Variants in LGI1 observed in about 807,000 individuals in gnomAD.
The protein encoded by LGI1 is leucine rich glioma inactivated 1.
Under a neutral mutation model 57.7 loss-of-function variants are expected in LGI1, and 11 were observed. The ratio of observed to expected loss-of-function variants is 0.19; its 90% confidence interval spans 0.12 to 0.32. The LOEUF (loss-of-function observed/expected upper bound fraction) is 0.32, where lower values mean the gene tolerates loss of function less well. Among genes scored for constraint, LGI1 ranks in the 10% least tolerant of loss-of-function variants. The pLI, the probability that LGI1 is intolerant of heterozygous loss-of-function variation, is 1.00. For synonymous variants in LGI1, 222 were observed against 241.9 expected (o/e 0.92, Z 0.76); for missense variants, 422 against 661.9 (o/e 0.64, Z 3.98).
chr10:93,778,430 T>A (rs2059815747), intron 4 of LGI1, among the ~76,000 whole-genome samples: 1 of 150,824 alleles, frequency 6.6e-6, no homozygotes, highest in Non-Finnish European at 1.5e-5. Context: ...CACTCTCACA[T>A]ACACACAGAT....
At chr10:93,793,385 T>G (rs1227606957) in intron 7 of LGI1, 35 bp downstream of exon 7, 2 of 1,578,366 alleles carry the variant, frequency 1.3e-6, no homozygotes, top group Non-Finnish European at 1.7e-6. Flanking sequence ...GAGTGGTAAT[T>G]TAAACTGCTT....
chr10:93,767,867 A>C (rs1002686510), intron 2 of LGI1: 1 of 152,210 alleles, frequency 6.6e-6, no homozygotes, highest in African/African-American at 2.4e-5. Flanking sequence ...GTGTGTAAAT[A>C]TACACTGTCA....
intron 2 of LGI1, chr10:93,770,300 T>G (rs2059721811): frequency 6.6e-6 from 1 of 152,346 alleles, no homozygotes; most frequent in Non-Finnish European, 1.5e-5. Flanking sequence ...CTCTTCAGTG[T>G]GCTGCTTCCC....
intron 2 of LGI1, chr10:93,762,650 G>C (rs1016993046): frequency 2.0e-4 from 31 of 152,188 alleles, no homozygotes; most frequent in African/African-American, 7.5e-4. Flanking sequence ...ATGCCCCCAT[G>C]ATGGACCAAA....
At chr10:93,788,023 C>T (rs975570860) in intron 4 of LGI1, among the ~76,000 whole-genome samples, 11 of 152,166 alleles carry the variant, frequency 7.2e-5, no homozygotes, top group African/African-American at 2.7e-4. Flanking sequence ...TCATTGCATG[C>T]CCACTGTCCT....
intron 2 of LGI1, chr10:93,771,403 T>G (rs1652132277): frequency 6.6e-6 from 1 of 152,216 alleles, no homozygotes; most frequent in South Asian, 2.1e-4. Context: ...GGCCATTATC[T>G]TGAGTAAAAT....
At chr10:93,759,017 C>G in intron 2 of LGI1, 186 bp downstream of exon 2, 1 of 609,658 alleles carries the variant, frequency 1.6e-6, no homozygotes, top group Non-Finnish European at 2.9e-6. Context: ...TTGATTCTTA[C>G]AATGGTAAAT....
intron 2 of LGI1, chr10:93,763,204 G>C (rs916859474): frequency 6.6e-6 from 1 of 152,202 alleles, no homozygotes; most frequent in African/African-American, 2.4e-5. Flanking sequence ...CCAGACACCT[G>C]AGCTGGCATC....
intron 2 of LGI1, chr10:93,759,389 A>G (rs2059599994): frequency 6.1e-6 from 1 of 163,434 alleles, no homozygotes; most frequent in African/African-American, 2.4e-5. Flanking sequence ...ATATTAATAT[A>G]GGATAGTGCA....
At chr10:93,773,075 G>C (rs1247221428) in intron 2 of LGI1, among the ~76,000 whole-genome samples, 1 of 148,786 alleles carries the variant, frequency 6.7e-6, no homozygotes, top group East Asian at 1.9e-4. Context: ...GCGAGACTTT[G>C]TCAAAAAAAG....
At chr10:93,781,317 C>A (rs1391300917) in intron 4 of LGI1, among the ~76,000 whole-genome samples, 1 of 151,994 alleles carries the variant, frequency 6.6e-6, no homozygotes, top group African/African-American at 2.4e-5. Context: ...CGAGATCACG[C>A]CATTGCACTC....
chr10:93,758,630 C>T lies in LGI1; in HGVS notation c.216-130C>T, dbSNP rs919792018. ...TACTTCATCTGGGAAGGAATAGTAT[C>T]GTACTTCATAAAATAGTGTCAAAAT... On this transcript the variant is annotated intron_variant, in intron 1 of 7. Transcript: ENST00000371418. This position sits in a 1 kb window ranked among gnomAD's most constrained non-coding sequence, Gnocchi z 4.7. 1.1e-5 allele frequency: 8 copies of T among 736,744 alleles called. No homozygotes were observed. The highest frequency in any genetic ancestry group is 8.7e-5 in the African/African-American group (5 of 57,144). The allele number at this position is 736,744 out of a possible 1,614,324, so 45.6% of individuals were successfully genotyped here.
chr10:93,794,036 T>TTTTTTTTTTTTTTTTTTG (rs1491306055), intron 7 of LGI1: 1 of 92,624 alleles, frequency 1.1e-5, no homozygotes, highest in African/African-American at 3.5e-5. Context: ...TTTTTTTTTT[T>TTTTTTTTTTTTTTTTTTG]GAGACAGAGT....
Position 93,795,193 on chromosome 10 carries a change from A to G in LGI1, c.839-1775A>G, listed in dbSNP as rs140423970. Among the ~76,000 whole-genome samples, 26 of 152,330 alleles carry G rather than the reference A, an allele frequency of 1.7e-4. No homozygotes were observed. In the East Asian group the frequency reaches 3.5e-3, roughly 20 times the overall value. ...TCTGCAAACTTTCTGAGGGCATCTC[A>G]GAGCTCATCTTGTCTAGGATGATGT... On this transcript the variant is annotated intron_variant, in intron 7 of 7. Transcript: ENST00000371418.
intron 5 of LGI1, 160 bp from the exon 6 acceptor site, chr10:93,792,583 G>A (rs1207560759): frequency 1.4e-6 from 1 of 734,292 alleles, no homozygotes; most frequent in Non-Finnish European, 2.5e-6. Context: ...AACTCTCTGA[G>A]CCCAAAGTGA....
At chr10:93,792,989 A>AT (rs2059949326) in intron 6 of LGI1, 77 bp downstream of exon 6, 3 of 1,439,732 alleles carry the variant, frequency 2.1e-6, no homozygotes, top group Non-Finnish European at 2.9e-6. Context: ...AGGAACTGAT[A>AT]TTTTTTATAT....
chr10:93,772,191 G>A (rs1291213089), intron 2 of LGI1, among the ~76,000 whole-genome samples: 1 of 152,068 alleles, frequency 6.6e-6, no homozygotes, highest in Non-Finnish European at 1.5e-5. Flanking sequence ...AACAAAAGGG[G>A]TCAAAGGACA....
chr10:93,763,295 CAG>C (rs879936816), intron 2 of LGI1: 39,680 of 145,902 alleles, frequency 0.27, 5,868 homozygotes, highest in South Asian at 0.42. Flanking sequence ...CACACACACA[CAG>C]ACACACACAC....
At chr10:93,766,537 C>G (rs2059680567) in intron 2 of LGI1, among the ~76,000 whole-genome samples, 1 of 6,446 alleles carries the variant, frequency 1.6e-4, no homozygotes, top group Admixed American at 2.3e-3. Context: ...CGGAGTCTCG[C>G]TCTGTCCCCC....
Sources: gnomAD v4.1 joint callset for allele counts (sites outside exome capture counted in the v4.1 genomes callset) on GRCh38, gnomAD v4.1.1 for gene constraint, Gnocchi (gnomAD v3.1) non-coding constraint, MANE v1.5 for transcripts, NCBI Gene and HGNC (gene_info 2026-07-23, HGNC 2026-07-21) for gene names.